Variants in NAV3 observed in about 807,000 individuals in gnomAD.
NAV3 encodes the protein pore membrane and/or filament interacting like protein 1.
In NAV3, 87 loss-of-function variants were observed where a neutral mutation model predicts 244.7. That is an observed-to-expected ratio of 0.36 (90% CI 0.30 to 0.42). The LOEUF is 0.42. Ranked by LOEUF, NAV3 falls within the 20% of genes least tolerant of loss-of-function variation. The pLI is 1.00. For synonymous variants in NAV3, 1,126 were observed against 1,042.2 expected (o/e 1.08, Z -1.55); for missense variants, 2,663 against 2,893.3 (o/e 0.92, Z 1.83).
intron 31 of NAV3, among the ~76,000 whole-genome samples, chr12:78,187,237 C>T (rs1312978711): frequency 6.6e-6 from 1 of 151,820 alleles, no homozygotes; most frequent in Non-Finnish European, 1.5e-5. Context: ...CTAAATATTA[C>T]ATATTAAGAG....
chr12:78,095,721 C>T (rs933538929), intron 12 of NAV3, among the ~76,000 whole-genome samples: 1 of 152,034 alleles, frequency 6.6e-6, no homozygotes, highest in Admixed American at 6.5e-5. Context: ...AGCTTGTTGG[C>T]CAGTTGGATA....
At chr12:77,916,357 C>A (rs1466358084) in intron 1 of NAV3, among the ~76,000 whole-genome samples, 1 of 151,800 alleles carries the variant, frequency 6.6e-6, no homozygotes, top group African/African-American at 2.4e-5. Flanking sequence ...AAAGACTAAA[C>A]ATAAGTCTCT....
intron 39 of NAV3, among the ~76,000 whole-genome samples, chr12:78,208,379 G>A (rs1324522002): frequency 2.0e-5 from 3 of 152,100 alleles, no homozygotes; most frequent in Admixed American, 1.3e-4. Context: ...CCACAATGGG[G>A]ATAAAATTTC....
At chr12:77,827,363 T>C (rs1873120361), upstream of NAV3, among the ~76,000 whole-genome samples, 1 of 152,166 alleles carries the variant, frequency 6.6e-6, no homozygotes, top group African/African-American at 2.4e-5. Flanking sequence ...TTGAATATTT[T>C]TTCTCTTACT....
chr12:77,614,555 C>A (rs1395397046), intron 2 of NAV3, among the ~76,000 whole-genome samples: 7 of 152,090 alleles, frequency 4.6e-5, no homozygotes, highest in Non-Finnish European at 5.9e-5. Context: ...GTTGAGCAGG[C>A]ACTGTCCTAT....
intron 23 of NAV3, among the ~76,000 whole-genome samples, chr12:78,160,677 A>G (rs1033299855): frequency 2.0e-5 from 3 of 152,132 alleles, no homozygotes; most frequent in Admixed American, 6.6e-5. Flanking sequence ...CAATGAAATC[A>G]AAAGAGTAAA....
In NAV3 at chr12:77,867,461, A is replaced by C. The variant is rs564118615; in HGVS notation, c.243+35757A>C. ...TTGAGACGGAGTCTCGCTCTGTCAC[A>C]CAGGCTGGAGTGCAGTGGCGCGATC... On this transcript the variant is annotated intron_variant, in intron 1 of 39. Transcript: ENST00000397909. 7.3e-3 allele frequency among the ~76,000 whole-genome samples: 1,111 copies of C among 152,166 alleles called. 5 individuals are homozygous for C. The highest frequency in any genetic ancestry group is 0.012 in the Non-Finnish European group (835 of 67,996).
intron 2 of NAV3, among the ~76,000 whole-genome samples, chr12:77,635,549 G>A (rs1872119862): frequency 6.6e-6 from 1 of 152,036 alleles, no homozygotes; most frequent in Non-Finnish European, 1.5e-5. Flanking sequence ...TAAAATACGG[G>A]GGATGTTTTC....
chr12:78,163,545 G>A (rs568951841), intron 23 of NAV3, among the ~76,000 whole-genome samples: 1 of 151,944 alleles, frequency 6.6e-6, no homozygotes, highest in Non-Finnish European at 1.5e-5. Flanking sequence ...TCCAGCCTGG[G>A]TGACAGAGAG....
rs538937537 is a variant in NAV3, at chr12:77,722,096, GA to G, written c.72+149836del. 3.2e-3 allele frequency among the ~76,000 whole-genome samples: 486 copies of G among 152,098 alleles called. 2 individuals carry two copies. Among genetic ancestry groups the G allele is most frequent in the Admixed American group, 5.4e-3 (82 of 15,244 alleles). ...TTTCTGCTGAACAAATGTTTAAACTGAAAAAAGCAACGAAGCCCACAAACAA... is the reference window on the plus strand; with the variant it reads ...TTTCTGCTGAACAAATGTTTAAACTGAAAAAGCAACGAAGCCCACAAACAA... On this transcript the variant is annotated intron_variant, in intron 2 of 8. Transcript: ENST00000550042.
intron 12 of NAV3, among the ~76,000 whole-genome samples, chr12:78,090,234 TATATA>T (rs376562893): frequency 0.055 from 8,154 of 147,960 alleles, 274 homozygotes; most frequent in Admixed American, 0.077. Context: ...AAAGTTGAAT[TATATA>T]TATATATCAA....
chr12:77,865,223 T>G (rs1879823464), intron 1 of NAV3, among the ~76,000 whole-genome samples: 1 of 152,120 alleles, frequency 6.6e-6, no homozygotes, highest in South Asian at 2.1e-4. Context: ...CTCTTGTAGT[T>G]TATGTAGATG....
Position 77,941,088 on chromosome 12 carries a change from A to G in NAV3, c.369A>G (p.Glu123=). 1 of 1,583,406 alleles carries G rather than the reference A, an allele frequency of 6.3e-7. No homozygotes were observed. Among genetic ancestry groups the G allele is most frequent in the Non-Finnish European group, 8.6e-7 (1 of 1,159,352 alleles). Residue 123 remains glutamate, a synonymous_variant, in exon 3 of 40, where the codon GAA becomes GAG. Transcript: ENST00000397909. The part of the protein sequence containing the change: ...LAEIIQIIAN[E]KVEDINGCPR... ...TTTATCTCTTGGCTTTAGCAAATGAAAAAGTTGAAGATATCAATGGATGTC... is the reference window on the plus strand; with the variant it reads ...TTTATCTCTTGGCTTTAGCAAATGAGAAAGTTGAAGATATCAATGGATGTC...
At chr12:77,795,131 C>A (rs1378321224) in intron 2 of NAV3, among the ~76,000 whole-genome samples, 1 of 152,072 alleles carries the variant, frequency 6.6e-6, no homozygotes, top group Non-Finnish European at 1.5e-5. Flanking sequence ...AGCCAAGTAG[C>A]AAATGCAAAG....
At chr12:77,978,726 A>T (rs909546002) in intron 5 of NAV3, among the ~76,000 whole-genome samples, 1 of 152,000 alleles carries the variant, frequency 6.6e-6, no homozygotes, top group Non-Finnish European at 1.5e-5. Flanking sequence ...ATAAATTTTT[A>T]AAATTATAAT....
At chr12:77,765,595 A>G (rs1869707286) in intron 2 of NAV3, among the ~76,000 whole-genome samples, 1 of 152,232 alleles carries the variant, frequency 6.6e-6, no homozygotes, top group African/African-American at 2.4e-5. Flanking sequence ...AAGAAAGAAC[A>G]TGAACAAAGA....
intron 1 of NAV3, among the ~76,000 whole-genome samples, chr12:77,881,002 A>C (rs1882569447): frequency 6.6e-6 from 1 of 152,126 alleles, no homozygotes; most frequent in Non-Finnish European, 1.5e-5. Flanking sequence ...TACATTGCCC[A>C]GGCTAGAAGG....
chr12:77,866,197 GATAAA>G (rs1879993116), intron 1 of NAV3, among the ~76,000 whole-genome samples: 2 of 152,146 alleles, frequency 1.3e-5, no homozygotes, highest in South Asian at 4.1e-4. Context: ...ATTCAAAATT[GATAAA>G]ATATAAATAG....
intron 2 of NAV3, among the ~76,000 whole-genome samples, chr12:77,573,019 G>A (rs1868902152): frequency 6.6e-6 from 1 of 152,136 alleles, no homozygotes; most frequent in Admixed American, 6.5e-5. Flanking sequence ...AGCCCCACTC[G>A]TACTGAAATG....
Sources: allele counts gnomAD v4.1 joint callset (sites outside exome capture counted in the v4.1 genomes callset), GRCh38; gene constraint gnomAD v4.1.1; transcripts MANE v1.5; gene names NCBI Gene and HGNC (gene_info 2026-07-23, HGNC 2026-07-21).